The following SAMMSON variants were observed in gnomAD, a reference collection of about 807,000 sequenced individuals.
SAMMSON encodes long intergenic non-protein coding RNA 1212.
chr3:70,094,548 T>C (rs1458771464), intron 4 of SAMMSON: 1 of 152,252 alleles, frequency 6.6e-6, no homozygotes, highest in African/African-American at 2.4e-5. Flanking sequence ...ATGGCCTTTT[T>C]TCATCCTGTC....
intron 2 of SAMMSON, among the ~76,000 whole-genome samples, chr3:70,433,431 C>T (rs1441955855): frequency 7.2e-5 from 11 of 152,042 alleles, no homozygotes; most frequent in Admixed American, 5.9e-4. Context: ...ATTTCATATG[C>T]TTTTTTGCTA....
At chr3:70,176,975 C>T (rs977820981) in intron 4 of SAMMSON, among the ~76,000 whole-genome samples, 3 of 152,056 alleles carry the variant, frequency 2.0e-5, no homozygotes, top group African/African-American at 7.2e-5. Flanking sequence ...TATTAAAGGT[C>T]TATGAGATGT....
Position 70,191,885 on chromosome 3 carries a change from TA to T in SAMMSON, n.508-57207del, listed in dbSNP as rs11407511. Reference sequence around the variant, plus strand: ...CTTAATCTCTTTAAGACTCTTTCCCTAAAAAAAAAAAAAAAGGAAATAATAA... The same window carrying T: ...CTTAATCTCTTTAAGACTCTTTCCCTAAAAAAAAAAAAAAGGAAATAATAA... On this transcript the variant is annotated intron_variant and non_coding_transcript_variant, in intron 4 of 9. Coordinates refer to ENST00000642114, the Ensembl canonical transcript of SAMMSON. Among the ~76,000 whole-genome samples the T allele has an allele frequency of 2.2e-3, 303 of 134,902 alleles. 1 individual carries two copies. The East Asian group carries it at 0.026, about 12-fold the overall frequency. 88.5% of individuals were successfully genotyped at this position (134,902 alleles called of 152,430 possible). A position where few individuals can be genotyped will look rare whatever the true frequency, so the allele number is the denominator to read the frequency against.
Position 70,079,541 on chromosome 3 carries a change from A to G in SAMMSON, n.507+7976A>G, listed in dbSNP as rs181964046. On this transcript the variant is annotated intron_variant and non_coding_transcript_variant, in intron 4 of 9. Coordinates refer to ENST00000642114, the Ensembl canonical transcript of SAMMSON. ...TACAACTGTTCTGTTTTTTCCTTGCAGTACAGTAGTCAATAAACTAAATGA... is the reference window on the plus strand; with the variant it reads ...TACAACTGTTCTGTTTTTTCCTTGCGGTACAGTAGTCAATAAACTAAATGA... 3.3e-5 allele frequency among the ~76,000 whole-genome samples: 5 copies of G among 152,316 alleles called. No homozygotes were observed. The East Asian group carries it at 9.6e-4, about 29-fold the overall frequency.
intron 3 of SAMMSON, among the ~76,000 whole-genome samples, chr3:70,067,141 C>CAAACAAAA (rs1181248308): frequency 6.6e-6 from 1 of 151,822 alleles, no homozygotes; most frequent in East Asian, 1.9e-4. Flanking sequence ...AACAAACAAA[C>CAAACAAAA]AAACAAAAAA....
intron 9 of SAMMSON, among the ~76,000 whole-genome samples, chr3:70,377,167 T>C (rs1703024500): frequency 6.6e-6 from 1 of 152,110 alleles, no homozygotes; most frequent in Non-Finnish European, 1.5e-5. Context: ...AATCTGAATG[T>C]CCATGTGGAA....
chr3:70,035,460 A>G (rs963210129), intron 3 of SAMMSON, among the ~76,000 whole-genome samples: 1 of 152,186 alleles, frequency 6.6e-6, no homozygotes, highest in Non-Finnish European at 1.5e-5. Flanking sequence ...TCATATCAGT[A>G]TATAGATTGA....
chr3:70,111,914 G>T (rs772697874), intron 4 of SAMMSON, among the ~76,000 whole-genome samples: 2 of 152,058 alleles, frequency 1.3e-5, no homozygotes, highest in Non-Finnish European at 2.9e-5. Context: ...GAGTCATAGA[G>T]AATTGGAAAA....
intron 2 of SAMMSON, among the ~76,000 whole-genome samples, chr3:70,399,374 T>C (rs542426777): frequency 5.5e-4 from 84 of 152,204 alleles, no homozygotes; most frequent in Non-Finnish European, 1.1e-3. Context: ...TTCATTGGGT[T>C]ATCATGTCAA....
At chr3:70,393,959 G>A (rs1701070860), downstream of SAMMSON, among the ~76,000 whole-genome samples, 1 of 152,190 alleles carries the variant, frequency 6.6e-6, no homozygotes, top group Non-Finnish European at 1.5e-5. Flanking sequence ...TGTAGAGAAT[G>A]GATGAGAGGG....
intron 7 of SAMMSON, among the ~76,000 whole-genome samples, chr3:70,296,842 A>G (rs1312431729): frequency 6.6e-6 from 1 of 152,024 alleles, no homozygotes; most frequent in Admixed American, 6.6e-5. Context: ...TTTAAAAGGC[A>G]TATGTAATAA....
chr3:70,431,292 T>C (rs1393442935), intron 2 of SAMMSON, among the ~76,000 whole-genome samples: 1 of 152,076 alleles, frequency 6.6e-6, no homozygotes, highest in African/African-American at 2.4e-5. Context: ...ATAGCTTCTC[T>C]ATAGAAGTTC....
chr3:70,375,713 C>G (rs1036309760), intron 9 of SAMMSON, among the ~76,000 whole-genome samples: 1 of 152,114 alleles, frequency 6.6e-6, no homozygotes, highest in Non-Finnish European at 1.5e-5. Flanking sequence ...CTATTCCAGT[C>G]CTGTCTACTT....
intron 4 of SAMMSON, among the ~76,000 whole-genome samples, chr3:70,132,991 C>G (rs1441681303): frequency 1.3e-5 from 2 of 151,982 alleles, no homozygotes; most frequent in Non-Finnish European, 2.9e-5. Flanking sequence ...ATGAGAGAAA[C>G]AAGTATATAG....
intron 2 of SAMMSON, among the ~76,000 whole-genome samples, chr3:70,409,322 T>C (rs1164403798): frequency 6.6e-6 from 1 of 152,216 alleles, no homozygotes; most frequent in Admixed American, 6.5e-5. Flanking sequence ...TATGAGAATT[T>C]GGAAATGACA....
chr3:70,173,174 C>T (rs2106700827), intron 4 of SAMMSON, among the ~76,000 whole-genome samples: 1 of 151,960 alleles, frequency 6.6e-6, no homozygotes, highest in South Asian at 2.1e-4. Flanking sequence ...GATATTATTA[C>T]CCTATCATAT....
At chr3:70,141,017 T>TTTTTTG (rs1395081705) in intron 4 of SAMMSON, among the ~76,000 whole-genome samples, 1 of 152,150 alleles carries the variant, frequency 6.6e-6, no homozygotes. Flanking sequence ...ATGTAGGTTT[T>TTTTTTG]TTTTTGTTTT....
At chr3:70,428,613 T>C (rs963701278) in intron 2 of SAMMSON, among the ~76,000 whole-genome samples, 5 of 152,200 alleles carry the variant, frequency 3.3e-5, no homozygotes, top group African/African-American at 4.8e-5. Context: ...CTTTGGTATC[T>C]TATATAGGAC....
intron 4 of SAMMSON, among the ~76,000 whole-genome samples, chr3:70,208,772 TAC>T (rs1701313922): frequency 6.6e-6 from 1 of 152,114 alleles, no homozygotes; most frequent in Admixed American, 6.6e-5. Flanking sequence ...AGTCTGGTAA[TAC>T]ACAACTGTCT....
Sources: allele counts gnomAD v4.1 joint callset (sites outside exome capture counted in the v4.1 genomes callset), GRCh38; gene constraint gnomAD v4.1.1; transcripts MANE v1.5; gene names NCBI Gene and HGNC (gene_info 2026-07-23, HGNC 2026-07-21).